PBRM1: variants seen among roughly 807,000 people sequenced by gnomAD.
The protein encoded by PBRM1 is protein polybromo-1.
A neutral mutation model predicts 194.5 loss-of-function variants in PBRM1; 27 were observed. The observed-to-expected ratio is 0.14, with a 90% confidence interval of 0.10 to 0.19. PBRM1 has a LOEUF of 0.19. Among genes scored for constraint, PBRM1 ranks in the 10% least tolerant of loss-of-function variants. The pLI is 1.00. For missense variants in PBRM1, 1,466 were observed against 2,077.2 expected (o/e 0.71, Z 5.72); for synonymous variants, 655 against 693.2 (o/e 0.94, Z 0.87).
intron 24 of PBRM1, among the ~76,000 whole-genome samples, chr3:52,562,996 G>A (rs1181172143): frequency 3.3e-5 from 5 of 152,056 alleles, no homozygotes. Flanking sequence ...TCAGCACAAG[G>A]AAGAGTCTTC....
chr3:52,650,271 G>A (rs532825915), intron 6 of PBRM1, among the ~76,000 whole-genome samples: 14 of 149,138 alleles, frequency 9.4e-5, no homozygotes, highest in Non-Finnish European at 1.6e-4. Context: ...GCTGAGGCAG[G>A]AGAATGACTT....
chr3:52,548,094 A>T, exon 30 of PBRM1: 1 of 1,610,540 alleles, frequency 6.2e-7, no homozygotes, highest in Non-Finnish European at 8.5e-7. Context: ...TGCTTGGCGA[A>T]TGTTGAGGGT....
At chr3:52,645,265 G>A (rs1023408279) in intron 7 of PBRM1, among the ~76,000 whole-genome samples, 1 of 123,834 alleles carries the variant, frequency 8.1e-6, no homozygotes, top group Non-Finnish European at 1.7e-5. Context: ...AAAACTAGCA[G>A]AAACTTCTTT....
chr3:52,621,423 A>G (rs942090632), intron 13 of PBRM1, among the ~76,000 whole-genome samples: 2 of 152,164 alleles, frequency 1.3e-5, no homozygotes, highest in Non-Finnish European at 2.9e-5. Context: ...TCGGCCTCCC[A>G]AAGTGCTAGG....
At chr3:52,645,816 G>C (rs1044795209) in intron 7 of PBRM1, among the ~76,000 whole-genome samples, 1 of 152,130 alleles carries the variant, frequency 6.6e-6, no homozygotes, top group Non-Finnish European at 1.5e-5. Context: ...ACAATACTCA[G>C]AATGGTGTGC....
intron 26 of PBRM1, among the ~76,000 whole-genome samples, chr3:52,557,498 T>A (rs2082459089): frequency 6.6e-6 from 1 of 152,214 alleles, no homozygotes; most frequent in Non-Finnish European, 1.5e-5. Flanking sequence ...AGAAGTGGTC[T>A]GCAGACTTCT....
intron 11 of PBRM1, among the ~76,000 whole-genome samples, chr3:52,630,246 ACAG>A (rs141952354): frequency 0.038 from 5,817 of 152,246 alleles, 370 homozygotes; most frequent in African/African-American, 0.13. Context: ...AAATCCCAGT[ACAG>A]CAGAAGGTAG....
chr3:52,586,640 C>T, exon 20 of PBRM1: 2 of 1,564,694 alleles, frequency 1.3e-6, no homozygotes, highest in South Asian at 1.1e-5. Context: ...GATTCACAGA[C>T]AAAAACATCC....
At chr3:52,604,440 C>T (rs2094207955) in intron 16 of PBRM1, among the ~76,000 whole-genome samples, 1 of 152,200 alleles carries the variant, frequency 6.6e-6, no homozygotes, top group Non-Finnish European at 1.5e-5. Flanking sequence ...GTGGCTCATG[C>T]CTATAATCCC....
intron 5 of PBRM1, among the ~76,000 whole-genome samples, chr3:52,657,789 T>G (rs1042390596): frequency 2.0e-5 from 3 of 150,464 alleles, no homozygotes; most frequent in African/African-American, 7.3e-5. Flanking sequence ...CCTTTTCTTT[T>G]TTTTTTTTTA....
chr3:52,565,342 C>T (rs918216699), intron 22 of PBRM1, among the ~76,000 whole-genome samples: 1 of 151,678 alleles, frequency 6.6e-6, no homozygotes. Context: ...CTCGTCTCTA[C>T]TAAAAATACA....
At chr3:52,548,722 G>A (rs573680225) in intron 29 of PBRM1, among the ~76,000 whole-genome samples, 81 of 152,032 alleles carry the variant, frequency 5.3e-4, no homozygotes, top group African/African-American at 1.5e-3. Flanking sequence ...CACTGCACCC[G>A]GCCTGATCAT....
At chr3:52,600,246 A>T (rs1258946327) in intron 17 of PBRM1, among the ~76,000 whole-genome samples, 1 of 152,152 alleles carries the variant, frequency 6.6e-6, no homozygotes, top group Non-Finnish European at 1.5e-5. Context: ...TTCATCCATT[A>T]TTTCACTAAA....
At chr3:52,638,560 T>C (rs991625080) in intron 10 of PBRM1, among the ~76,000 whole-genome samples, 5 of 151,430 alleles carry the variant, frequency 3.3e-5, no homozygotes, top group African/African-American at 1.2e-4. Context: ...GGATTCACCA[T>C]GTTGGTCAGG....
chr3:52,678,447 C>T (rs2154056198), intron 2 of PBRM1, 53 bp downstream of exon 3: 1 of 1,168,534 alleles, frequency 8.6e-7, no homozygotes, highest in Non-Finnish European at 1.3e-6. Context: ...CTTTAATACA[C>T]ATGGACTCTG....
intron 13 of PBRM1, among the ~76,000 whole-genome samples, chr3:52,625,664 T>C (rs906160577): frequency 6.6e-6 from 1 of 151,912 alleles, no homozygotes; most frequent in Admixed American, 6.6e-5. Flanking sequence ...AACCTCCACT[T>C]CCCAGGTTCA....
chr3:52,657,419 C>A lies in PBRM1; in HGVS notation c.645+780G>T, dbSNP rs573937120. Among the ~76,000 whole-genome samples the A allele has an allele frequency of 2.0e-5, 3 of 152,146 alleles. No individual in the cohort carries two copies. The South Asian group carries it at 6.2e-4, about 32-fold the overall frequency. On this transcript the variant is annotated intron_variant, in intron 5 of 29. Coordinates refer to ENST00000296302, the Ensembl canonical transcript of PBRM1. The stretch of plus-strand genomic sequence containing the variant: ...ATCATGTAAAATGATAGACCGTATA[C>A]ATTTTGTGCTGCTGTGAGGAGGATC...
chr3:52,586,800 C>T, intron 19 of PBRM1, 112 bp from the exon 22 acceptor site: 1 of 738,032 alleles, frequency 1.4e-6, no homozygotes, highest in Non-Finnish European at 2.2e-6. Context: ...AAAAGCTGAA[C>T]TGATTACAGA....
intron 17 of PBRM1, among the ~76,000 whole-genome samples, chr3:52,598,209 G>A (rs2093714875): frequency 6.6e-6 from 1 of 152,162 alleles, no homozygotes; most frequent in African/African-American, 2.4e-5. Flanking sequence ...ATACAAAACA[G>A]TTATCATTCT....
Sources: gnomAD v4.1 joint callset for allele counts (sites outside exome capture counted in the v4.1 genomes callset) on GRCh38, gnomAD v4.1.1 for gene constraint, MANE v1.5 for transcripts, NCBI Gene and HGNC (gene_info 2026-07-23, HGNC 2026-07-21) for gene names.